Variants in FHOD3 observed in about 807,000 individuals in gnomAD.
The protein encoded by FHOD3 is formin homology 2 domain containing 3.
FHOD3 carries 90 observed loss-of-function variants against 173.0 expected under a neutral mutation model. That is an observed-to-expected ratio of 0.52 (90% CI 0.44 to 0.62). The LOEUF is 0.62. FHOD3 is among the 20% of genes least tolerant of loss of function. FHOD3 has a pLI of 0.00. For synonymous variants in FHOD3, 828 were observed against 823.0 expected, an observed-to-expected ratio of 1.01 and a Z score of -0.10; for missense variants, 1,945 against 2,034.7, an observed-to-expected ratio of 0.96 and a Z score of 0.85.
At chr18:36,419,770 G>C (rs1388157181) in intron 3 of FHOD3, among the ~76,000 whole-genome samples, 14 of 152,152 alleles carry the variant, frequency 9.2e-5, no homozygotes, top group Admixed American at 9.2e-4. Flanking sequence ...TGTCTCATGT[G>C]GCCACATGTG....
At chr18:36,431,715 A>G (rs2050560864) in intron 3 of FHOD3, among the ~76,000 whole-genome samples, 1 of 152,186 alleles carries the variant, frequency 6.6e-6, no homozygotes, top group Non-Finnish European at 1.5e-5. Context: ...GTTTATCACT[A>G]TAATTTGGGT....
intron 1 of FHOD3, 68 bp from the exon 2 acceptor site, chr18:36,355,471 T>C: frequency 7.8e-7 from 1 of 1,277,680 alleles, no homozygotes; most frequent in South Asian, 1.2e-5. Flanking sequence ...GGCAACATGA[T>C]GTGATTTCTC....
chr18:36,688,793 T>A (rs2038785216), intron 16 of FHOD3, among the ~76,000 whole-genome samples: 1 of 152,224 alleles, frequency 6.6e-6, no homozygotes, highest in South Asian at 2.1e-4. Context: ...CTGAACTGGC[T>A]CAGCTGACTT....
At chr18:36,762,569 G>A (rs1318850889) in intron 27 of FHOD3, among the ~76,000 whole-genome samples, 4 of 152,114 alleles carry the variant, frequency 2.6e-5, no homozygotes, top group South Asian at 2.1e-4. Context: ...GGCCGAGGTC[G>A]GTGGATCACT....
In FHOD3 at chr18:36,429,767, C is replaced by A. The variant is rs76238822; in HGVS notation, c.337+57023C>A. Among the ~76,000 whole-genome samples the A allele has an allele frequency of 7.5e-4, 114 of 152,172 alleles. No individual in the cohort carries two copies. In the East Asian group the frequency reaches 0.021, roughly 28 times the overall value. Reference sequence around the variant, plus strand: ...CATGAAGCACTTCTTTGGGGAGAGGCCTCCACTGTTCCTTGCGCCACCCAG... The same window carrying A: ...CATGAAGCACTTCTTTGGGGAGAGGACTCCACTGTTCCTTGCGCCACCCAG... On this transcript the variant is annotated intron_variant, in intron 3 of 28. Transcript: ENST00000590592.
chr18:36,575,056 C>T (rs549404433), intron 5 of FHOD3, among the ~76,000 whole-genome samples: 8 of 152,054 alleles, frequency 5.3e-5, no homozygotes, highest in Non-Finnish European at 7.4e-5. Context: ...CTGCCACCTC[C>T]GCCTCCTGGG....
chr18:36,419,764 T>TCATGTGGCCA (rs1452822659), intron 3 of FHOD3, among the ~76,000 whole-genome samples: 2 of 152,142 alleles, frequency 1.3e-5, no homozygotes, highest in Non-Finnish European at 2.9e-5. Context: ...CAGCATTGTC[T>TCATGTGGCCA]CATGTGGCCA....
intron 1 of FHOD3, among the ~76,000 whole-genome samples, chr18:36,352,277 A>G (rs1023155077): frequency 3.9e-5 from 6 of 152,158 alleles, no homozygotes; most frequent in Admixed American, 2.0e-4. Flanking sequence ...AAATAAAAAT[A>G]AAAGAAATTT....
At chr18:36,392,817 T>G (rs1408419947) in intron 3 of FHOD3, among the ~76,000 whole-genome samples, 2 of 152,248 alleles carry the variant, frequency 1.3e-5, no homozygotes, top group Non-Finnish European at 2.9e-5. Context: ...TTTTGGAGAT[T>G]AGGCTTTCAT....
At chr18:36,660,698 G>C (rs2036731954) in intron 14 of FHOD3, among the ~76,000 whole-genome samples, 1 of 152,194 alleles carries the variant, frequency 6.6e-6, no homozygotes, top group Admixed American at 6.5e-5. Flanking sequence ...GGGCATGGGT[G>C]GTCCAAGGAG....
intron 3 of FHOD3, among the ~76,000 whole-genome samples, chr18:36,407,164 A>C (rs2049114180): frequency 6.6e-6 from 1 of 152,182 alleles, no homozygotes; most frequent in South Asian, 2.1e-4. Flanking sequence ...CCCACCACAT[A>C]GGAATGTGGT....
At position 36,453,665 on chromosome 18, in the gene FHOD3, A is replaced by T. The variant is rs367704396; in HGVS notation, c.338-48267A>T. 2.1e-3 allele frequency among the ~76,000 whole-genome samples: 315 copies of T among 152,346 alleles called. 4 individuals carry two copies. The highest frequency in any genetic ancestry group is 6.9e-3 in the African/African-American group (286 of 41,586). ...CAAGGCATGATGAAGGGGCTCAGGG[A>T]TGGCTGGAACAGGGAGCCAGGGGAG... On this transcript the variant is annotated intron_variant, in intron 3 of 28. Transcript: ENST00000590592.
intron 27 of FHOD3, among the ~76,000 whole-genome samples, chr18:36,762,534 C>T (rs976574970): frequency 6.6e-5 from 10 of 152,168 alleles, no homozygotes; most frequent in South Asian, 2.1e-4. Flanking sequence ...CGGTGGCTCA[C>T]GCCTGTAATC....
chr18:36,769,539 A>G (rs2043283621), intron 28 of FHOD3, 113 bp downstream of exon 28: 1 of 1,376,882 alleles, frequency 7.3e-7, no homozygotes, highest in Non-Finnish European at 9.8e-7. Context: ...AGTGGCTCCC[A>G]GAGTGCCTAC....
chr18:36,337,575 G>C (rs979620854), intron 1 of FHOD3, among the ~76,000 whole-genome samples: 14 of 152,190 alleles, frequency 9.2e-5, no homozygotes, highest in African/African-American at 3.1e-4. Context: ...GGAGCTCCAG[G>C]GGAGACAAGT....
At chr18:36,522,185 A>G (rs570528429) in intron 5 of FHOD3, among the ~76,000 whole-genome samples, 1 of 152,322 alleles carries the variant, frequency 6.6e-6, no homozygotes, top group South Asian at 2.1e-4. Flanking sequence ...GAGATCCTTG[A>G]GAGCCAGGCA....
At chr18:36,657,312 A>C (rs536852447) in intron 13 of FHOD3, among the ~76,000 whole-genome samples, 1 of 152,354 alleles carries the variant, frequency 6.6e-6, no homozygotes, top group South Asian at 2.1e-4. Context: ...AAGGGCATCA[A>C]ATAATGATTT....
At chr18:36,386,972 T>A (rs1173225184) in intron 3 of FHOD3, among the ~76,000 whole-genome samples, 1 of 152,226 alleles carries the variant, frequency 6.6e-6, no homozygotes, top group Non-Finnish European at 1.5e-5. Context: ...ACCTAGAATC[T>A]AAGATTAAAT....
intron 5 of FHOD3, among the ~76,000 whole-genome samples, chr18:36,524,478 C>T (rs1365100750): frequency 6.6e-6 from 1 of 152,092 alleles, no homozygotes; most frequent in Non-Finnish European, 1.5e-5. Flanking sequence ...GCCAGGAGGG[C>T]TCACAGAAAC....
Sources: allele counts gnomAD v4.1 joint callset (sites outside exome capture counted in the v4.1 genomes callset), GRCh38; gene constraint gnomAD v4.1.1; transcripts MANE v1.5; gene names NCBI Gene and HGNC (gene_info 2026-07-23, HGNC 2026-07-21).